Variants in DRC11 observed in about 807,000 individuals in gnomAD.
The protein encoded by DRC11 is IQ and AAA domain-containing protein 1.
the DRC11 span, among the ~76,000 whole-genome samples, chr2:236,501,515 A>T: frequency 6.6e-6 from 1 of 152,116 alleles, no homozygotes; most frequent in East Asian, 1.9e-4. Context: ...CCTCAAATAG[A>T]CAAGCAGGAG....
chr2:236,380,695 TAGAAATTAGCTA>T, the DRC11 span: 1 of 1,275,386 alleles, frequency 7.8e-7, no homozygotes, highest in Non-Finnish European at 1.1e-6. The surrounding 1 kb of genome is among the most constrained non-coding windows in gnomAD (Gnocchi z 4.9). Context: ...AAATAAGTCC[TAGAAATTAGCTA>T]AGCACGTTGT....
At chr2:236,439,189 G>T in the DRC11 span, among the ~76,000 whole-genome samples, 2 of 151,220 alleles carry the variant, frequency 1.3e-5, no homozygotes, top group East Asian at 3.9e-4. Flanking sequence ...ACATTCAAAA[G>T]CTAGCAGAAG....
At chr2:236,322,535 C>T in the DRC11 span, among the ~76,000 whole-genome samples, 6 of 152,094 alleles carry the variant, frequency 3.9e-5, no homozygotes, top group Admixed American at 6.6e-5. Flanking sequence ...TGTGAGCCAC[C>T]GTGCCTGGCC....
chr2:236,315,495 G>A, the DRC11 span, among the ~76,000 whole-genome samples: 23 of 152,130 alleles, frequency 1.5e-4, no homozygotes, highest in Non-Finnish European at 1.9e-4. This position sits in a 1 kb window ranked among gnomAD's most constrained non-coding sequence, Gnocchi z 5.1. Flanking sequence ...CAGCAATCCC[G>A]TTACTAGGTA....
At chr2:236,432,303 C>G in the DRC11 span, among the ~76,000 whole-genome samples, 1 of 152,056 alleles carries the variant, frequency 6.6e-6, no homozygotes, top group Admixed American at 6.6e-5. Flanking sequence ...TAAGAGTACT[C>G]TGTATTTTCT....
the DRC11 span, among the ~76,000 whole-genome samples, chr2:236,355,829 T>G: frequency 1.6e-3 from 236 of 152,218 alleles, 1 homozygote; most frequent in Non-Finnish European, 2.8e-3. Context: ...AAGAGAAGTC[T>G]TCTTCTATGA....
the DRC11 span, among the ~76,000 whole-genome samples, chr2:236,370,228 C>T: frequency 3.9e-5 from 6 of 152,316 alleles, no homozygotes; most frequent in East Asian, 9.6e-4. The surrounding 1 kb of genome is among the most constrained non-coding windows in gnomAD (Gnocchi z 5.5). Flanking sequence ...CACCGAAGAT[C>T]GCCAGCCACA....
chr2:236,490,543 T>C, the DRC11 span, among the ~76,000 whole-genome samples: 1 of 152,224 alleles, frequency 6.6e-6, no homozygotes, highest in Non-Finnish European at 1.5e-5. This position sits in a 1 kb window ranked among gnomAD's most constrained non-coding sequence, Gnocchi z 5.5. Flanking sequence ...TGGCATTAAA[T>C]GAGATGATGA....
At chr2:236,454,355 T>C in the DRC11 span, among the ~76,000 whole-genome samples, 1 of 152,174 alleles carries the variant, frequency 6.6e-6, no homozygotes, top group African/African-American at 2.4e-5. This position sits in a 1 kb window ranked among gnomAD's most constrained non-coding sequence, Gnocchi z 5.3. Flanking sequence ...AAGGCCTCAG[T>C]GAATAATGCC....
At chr2:236,309,759 G>A in the DRC11 span, among the ~76,000 whole-genome samples, 1 of 152,112 alleles carries the variant, frequency 6.6e-6, no homozygotes, top group East Asian at 1.9e-4. This position sits in a 1 kb window ranked among gnomAD's most constrained non-coding sequence, Gnocchi z 5.7. Flanking sequence ...TGTGACCCCA[G>A]TGTTGTGTTG....
the DRC11 span, among the ~76,000 whole-genome samples, chr2:236,428,615 T>G: frequency 2.6e-5 from 4 of 152,218 alleles, no homozygotes; most frequent in African/African-American, 9.6e-5. Flanking sequence ...ACCTTCATTC[T>G]ATATGTGTCC....
chr2:236,333,684 C>A, the DRC11 span, among the ~76,000 whole-genome samples: 1 of 152,192 alleles, frequency 6.6e-6, no homozygotes, highest in Admixed American at 6.5e-5. The surrounding 1 kb of genome is among the most constrained non-coding windows in gnomAD (Gnocchi z 6.0). Flanking sequence ...CACGTGCTCA[C>A]TGGCAACCAA....
At chr2:236,485,927 C>A in the DRC11 span, among the ~76,000 whole-genome samples, 1 of 152,328 alleles carries the variant, frequency 6.6e-6, no homozygotes, top group African/African-American at 2.4e-5. Context: ...GTCCCAGTGA[C>A]CCCGCCTCCT....
the DRC11 span, chr2:236,343,636 C>T: frequency 1.0e-6 from 1 of 999,778 alleles, no homozygotes; most frequent in Non-Finnish European, 1.4e-6. This position sits in a 1 kb window ranked among gnomAD's most constrained non-coding sequence, Gnocchi z 6.6. Context: ...AAACACTGCC[C>T]TGCATTTCTC....
the DRC11 span, among the ~76,000 whole-genome samples, chr2:236,374,231 G>C: frequency 3.9e-5 from 6 of 152,046 alleles, no homozygotes; most frequent in African/African-American, 1.2e-4. Context: ...TTTTGGTCTT[G>C]TTTTCTAGTT....
chr2:236,341,882 G>A, the DRC11 span, among the ~76,000 whole-genome samples: 2 of 152,224 alleles, frequency 1.3e-5, no homozygotes, highest in African/African-American at 2.4e-5. Context: ...TCCTCTCAGG[G>A]TTGCCGGGAG....
chr2:236,357,114 T>G, the DRC11 span, among the ~76,000 whole-genome samples: 5 of 90,666 alleles, frequency 5.5e-5, 1 homozygote, highest in African/African-American at 1.9e-4. Flanking sequence ...ATTATATATC[T>G]ATATATTATA....
At chr2:236,351,377 G>A in the DRC11 span, among the ~76,000 whole-genome samples, 340 of 152,196 alleles carry the variant, frequency 2.2e-3, 1 homozygote, top group African/African-American at 7.7e-3. This position sits in a 1 kb window ranked among gnomAD's most constrained non-coding sequence, Gnocchi z 7.3. Flanking sequence ...CAGGTCTTCC[G>A]AGATCTCCAG....
chr2:236,377,189 G>A, the DRC11 span: 1 of 1,599,736 alleles, frequency 6.3e-7, no homozygotes, highest in Admixed American at 1.7e-5. This position sits in a 1 kb window ranked among gnomAD's most constrained non-coding sequence, Gnocchi z 4.9. Context: ...GATGGTCCTG[G>A]GGAGAAAGCA....
Sources: allele counts gnomAD v4.1 joint callset (sites outside exome capture counted in the v4.1 genomes callset), GRCh38; gene constraint gnomAD v4.1.1; non-coding constraint Gnocchi (gnomAD v3.1); transcripts MANE v1.5; gene names NCBI Gene and HGNC (gene_info 2026-07-23, HGNC 2026-07-21).